Variants in ZNF836 observed in about 807,000 individuals in gnomAD.
ZNF836 encodes zinc finger protein 836.
Under a neutral mutation model 7.4 loss-of-function variants are expected in ZNF836, and 12 were observed. The ratio of observed to expected loss-of-function variants is 1.61; its 90% confidence interval spans 1.03 to 2.61. The LOEUF (loss-of-function observed/expected upper bound fraction) is 2.61, where lower values mean the gene tolerates loss of function less well. ZNF836 is among the 30% of genes most tolerant of loss of function. ZNF836 has a pLI of 0.00. For missense variants in ZNF836, 998 were observed against 1,126.2 expected (o/e 0.89, Z 1.63); for synonymous variants, 365 against 382.6 (o/e 0.95, Z 0.54).
chr19:52,161,338 A>G lies in ZNF836; in HGVS notation c.16-747T>C, dbSNP rs1458347113. On this transcript the variant is annotated intron_variant, in intron 3 of 4. Transcript: ENST00000682614. This position sits in a 1 kb window ranked among gnomAD's most constrained non-coding sequence, Gnocchi z 4.1. ...GAACAATAGAAATGTATTTCTCATG[A>G]TTCTGCTGGCTGGGGAAATCCAAGA... Among the ~76,000 whole-genome samples, 3 of 152,210 alleles carry G rather than the reference A, an allele frequency of 2.0e-5. No individual in the cohort carries two copies. Among genetic ancestry groups the G allele is most frequent in the Non-Finnish European group, 4.4e-5 (3 of 68,048 alleles).
rs537652224 is a variant in ZNF836, at chr19:52,161,534, C to T, written c.16-943G>A. ...CCTTTTGATATCTCATTGACGAGAA[C>T]ACCATACCCACTGATAAAGGCAGAC... On this transcript the variant is annotated intron_variant, in intron 3 of 4. Transcript: ENST00000682614. The surrounding 1 kb of genome is among the most constrained non-coding windows in gnomAD (Gnocchi z 4.1). Among the ~76,000 whole-genome samples the T allele has an allele frequency of 7.2e-5, 11 of 152,100 alleles. No homozygotes were observed. The South Asian group carries it at 2.1e-3, about 29-fold the overall frequency.
rs1294355873 is a variant in ZNF836 at position 52,157,025 on chromosome 19, A to T, written c.658T>A (p.Cys220Ser). The change falls in exon 5 of 5, where the codon TGT (cysteine) becomes AGT (serine). Residue 220 changes from cysteine to serine, a missense_variant. Transcript: ENST00000682614. ...KTHIREKPYM[C>S]KGCGKAFRVS... ...CTAAAGGCTTTGCCACACCCTTTAC[A>T]CATATAAGGTTTTTCCCTAATGTGT... is the stretch of plus-strand genomic sequence containing the variant. The T allele has an allele frequency of 6.2e-7, 1 of 1,614,146 alleles. No individual in the cohort carries two copies.
At chr19:52,168,176 T>C in intron 2 of ZNF836, 24 bp from the exon 3 acceptor site, 1 of 1,483,388 alleles carries the variant, frequency 6.7e-7, no homozygotes, top group South Asian at 1.2e-5. Flanking sequence ...ATCTGTTGTT[T>C]AATGCTTGGA....
rs1040768991 is a variant in ZNF836, at chr19:52,154,358, A to G, written c.*514T>C. Among the ~76,000 whole-genome samples the G allele has an allele frequency of 5.3e-5, 8 of 152,160 alleles. No individual in the cohort carries two copies. Among genetic ancestry groups the G allele is most frequent in the African/African-American group, 1.9e-4 (8 of 41,526 alleles). ...ACCCACCATGCCTAACGTGCCATAC[A>G]CTTTTAACCAACAAGATCTCAGCCA... On this transcript the variant is annotated 3_prime_UTR_variant, in exon 5 of 5. Coordinates refer to ENST00000682614, the MANE Select transcript of ZNF836 (RefSeq NM_001102657.3).
Position 52,156,612 on chromosome 19 carries a change from T to C in ZNF836, c.1071A>G (p.Pro357=), listed in dbSNP as rs1251074795. Residue 357 remains proline, a synonymous_variant, in exon 5 of 5, where the codon CCA becomes CCG. Transcript: ENST00000682614. ...CCTTGCCACATATATCACATTGATA[T>C]GGTTTCTCTCCTGTATGGATTATCT... is the stretch of plus-strand genomic sequence containing the variant. The part of the protein sequence containing the change: ...THQIIHTGEK[P]YQCDICGKVF... The C allele has an allele frequency of 2.5e-6, 4 of 1,613,516 alleles. No individual in the cohort carries two copies. The highest frequency in any genetic ancestry group is 2.2e-5 in the East Asian group (1 of 44,882).
chr19:52,168,525 T>C (rs993381726), intron 2 of ZNF836, among the ~76,000 whole-genome samples: 22 of 120,772 alleles, frequency 1.8e-4, no homozygotes, highest in African/African-American at 5.3e-4. Flanking sequence ...GAGGCAGAGG[T>C]TGCAGTGAGC....
chr19:52,166,188 C>T (rs1302520229), intron 3 of ZNF836, among the ~76,000 whole-genome samples: 1 of 152,012 alleles, frequency 6.6e-6, no homozygotes, highest in Admixed American at 6.6e-5. Flanking sequence ...GGTGGGGTTT[C>T]ACTATGTTGG....
chr19:52,168,206 C>T (rs1176194148), intron 2 of ZNF836, 54 bp from the exon 3 acceptor site: 17 of 1,212,036 alleles, frequency 1.4e-5, no homozygotes, highest in Middle Eastern at 2.1e-4. Context: ...TTCCTTTCTG[C>T]GCTACAACCA....
intron 3 of ZNF836, among the ~76,000 whole-genome samples, chr19:52,167,472 CA>C (rs1165727472): frequency 0.048 from 2,127 of 44,042 alleles, 15 homozygotes; most frequent in African/African-American, 0.16. Context: ...AACTCCGTCT[CA>C]AAAAAAAAAA....
At chr19:52,162,699 G>T (rs189906380) in intron 3 of ZNF836, among the ~76,000 whole-genome samples, 3 of 152,146 alleles carry the variant, frequency 2.0e-5, no homozygotes, top group Admixed American at 1.3e-4. Flanking sequence ...TCAGTCGGCC[G>T]TTTGGATCAC....
intron 1 of ZNF836, chr19:52,170,465 CCT>C (rs888421447): frequency 1.3e-5 from 2 of 152,672 alleles, no homozygotes; most frequent in African/African-American, 4.8e-5. Context: ...GCCCTCTCTC[CCT>C]CTCTTTCAGT....
Position 52,155,025 on chromosome 19 carries a change from T to C in ZNF836, c.2658A>G (p.Gly886=). ...ACTCATTACATTTATAAGGTTTTTCTCCAGAATGAATCATTTGGTGTTTGT... is the reference window on the plus strand; with the variant it reads ...ACTCATTACATTTATAAGGTTTTTCCCCAGAATGAATCATTTGGTGTTTGT... ...CLNKHQMIHS[G]EKPYKCNECG... The change falls in exon 5 of 5, where the codon GGA becomes GGG. Residue 886 remains glycine (G), a synonymous_variant. Transcript: ENST00000682614. 1 of 1,614,128 alleles carries C rather than the reference T, an allele frequency of 6.2e-7. No individual in the cohort carries two copies. The highest frequency in any genetic ancestry group is 1.1e-5 in the South Asian group (1 of 91,080).
In ZNF836 at chr19:52,156,943, T is replaced by C. The variant is rs1212096180; in HGVS notation, c.740A>G (p.Lys247Arg). ...QMVHTTEKPY[K>R]CNECGKAFHR... ...AAAGGCTTTGCCACATTCATTGCAT[T>C]TGTAAGGTTTCTCTGTAGTATGTAC... Residue 247 changes from lysine (K) to arginine (R), a missense_variant, in exon 5 of 5, where the codon AAA becomes AGA. Coordinates refer to ENST00000682614, the MANE Select transcript of ZNF836 (RefSeq NM_001102657.3). 6 of 1,614,182 alleles carry C rather than the reference T, an allele frequency of 3.7e-6. No homozygotes were observed. The highest frequency in any genetic ancestry group is 1.1e-5 in the South Asian group (1 of 91,082).
At chr19:52,167,328 C>T (rs191778195) in intron 3 of ZNF836, among the ~76,000 whole-genome samples, 10 of 151,490 alleles carry the variant, frequency 6.6e-5, no homozygotes, top group East Asian at 5.9e-4. Flanking sequence ...AAAAATCAGC[C>T]GGGCGTGGTG....
intron 3 of ZNF836, among the ~76,000 whole-genome samples, chr19:52,166,979 T>C (rs2089270635): frequency 6.6e-6 from 1 of 151,754 alleles, no homozygotes; most frequent in African/African-American, 2.4e-5. Flanking sequence ...TGATGTTCAG[T>C]AATAACTGGT....
chr19:52,165,930 C>T (rs1184515958), intron 3 of ZNF836, among the ~76,000 whole-genome samples: 1 of 152,126 alleles, frequency 6.6e-6, no homozygotes, highest in Non-Finnish European at 1.5e-5. Flanking sequence ...TGCATTCTAG[C>T]AGCCATTTCA....
chr19:52,164,651 G>C (rs1285739286), intron 3 of ZNF836, among the ~76,000 whole-genome samples: 1 of 152,050 alleles, frequency 6.6e-6, no homozygotes, highest in Non-Finnish European at 1.5e-5. Flanking sequence ...ATAAAAAACA[G>C]AGAAAAATGA....
chr19:52,155,290 C>T lies in ZNF836; in HGVS notation c.2393G>A (p.Ser798Asn), dbSNP rs2089142096. ...RHQSTLARHR[S>N]IHTGEKPYVC... ...GTAAGGTTTCTCTCCAGTATGAATA[C>T]TCCGATGACGTGCTAGTGTTGATTG... The change falls in exon 5 of 5, where the codon AGT (serine) becomes AAT (asparagine). Residue 798 changes from serine (S) to asparagine (N), a missense_variant. By Grantham distance (46) the Ser-to-Asn change is conservative. Coordinates refer to ENST00000682614, the MANE Select transcript of ZNF836 (RefSeq NM_001102657.3). 1 of 1,613,682 alleles carries T rather than the reference C, an allele frequency of 6.2e-7. No homozygotes were observed. The highest frequency in any genetic ancestry group is 1.3e-5 in the African/African-American group (1 of 74,968).
Position 52,164,237 on chromosome 19 carries a change from T to TA in ZNF836, c.16-3647dup, listed in dbSNP as rs896074170. Among the ~76,000 whole-genome samples, 73 of 151,508 alleles carry TA rather than the reference T, an allele frequency of 4.8e-4. No individual in the cohort carries two copies. In the East Asian group the frequency reaches 9.0e-3, roughly 19 times the overall value. ...TGAAATCCCGTTTCTACTAAAAATA[T>TA]AAAAAATTAGCCAGGCTTGGTGGTG... On this transcript the variant is annotated intron_variant, in intron 3 of 4. Transcript: ENST00000682614.
Sources: allele counts gnomAD v4.1 joint callset (sites outside exome capture counted in the v4.1 genomes callset), GRCh38; gene constraint gnomAD v4.1.1; non-coding constraint Gnocchi (gnomAD v3.1); transcripts MANE v1.5; gene names NCBI Gene and HGNC (gene_info 2026-07-23, HGNC 2026-07-21).